The following CNBD1 variants were observed in gnomAD, a reference collection of about 807,000 sequenced individuals.
CNBD1 encodes the protein cyclic nucleotide-binding domain-containing protein 1.
CNBD1 carries 71 observed loss-of-function variants against 54.4 expected under a neutral mutation model. The observed-to-expected ratio is 1.30, with a 90% confidence interval of 1.08 to 1.59. The LOEUF is 1.59. Ranked by LOEUF, CNBD1 falls within the 40% of genes most tolerant of loss-of-function variation. The probability of loss-of-function intolerance (pLI) is 0.00; values close to 1 mark genes in which losing one functional copy is unlikely to be tolerated. For missense variants in CNBD1, 659 were observed against 518.0 expected (o/e 1.27, Z -2.64); for synonymous variants, 182 against 170.7 (o/e 1.07, Z -0.51).
At chr8:86,898,346 T>C (rs1586119934) in intron 2 of CNBD1, among the ~76,000 whole-genome samples, 1 of 133,596 alleles carries the variant, frequency 7.5e-6, no homozygotes, top group Non-Finnish European at 1.7e-5. Context: ...TGTTTTCAAT[T>C]TTACAAGAGA....
intron 8 of CNBD1, among the ~76,000 whole-genome samples, chr8:87,300,862 G>A (rs987041328): frequency 6.6e-6 from 1 of 151,946 alleles, no homozygotes; most frequent in South Asian, 2.1e-4. Flanking sequence ...AAAATCTTTT[G>A]TGAAGACTAA....
intron 8 of CNBD1, among the ~76,000 whole-genome samples, chr8:87,345,157 A>T (rs1202685472): frequency 2.6e-5 from 4 of 152,202 alleles, no homozygotes; most frequent in Non-Finnish European, 5.9e-5. Flanking sequence ...GTCAGGCTGA[A>T]CATACTTTCC....
rs188903894 is a variant in CNBD1 at position 87,356,153 on chromosome 8, C to A, written c.1303+2367C>A. Among the ~76,000 whole-genome samples, 1,126 of 152,226 alleles carry A rather than the reference C, an allele frequency of 7.4e-3. 15 individuals carry two copies. The highest frequency in any genetic ancestry group is 0.012 in the Non-Finnish European group (819 of 68,032). On this transcript the variant is annotated intron_variant, in intron 10 of 10. Transcript: ENST00000518476. ...ATAAACTTCTTTTCTTTATAAATTA[C>A]CCAGCTTCAGATATTCATTAATGAC...
chr8:87,310,198 G>A (rs1255608670), intron 8 of CNBD1, among the ~76,000 whole-genome samples: 1 of 151,854 alleles, frequency 6.6e-6, no homozygotes, highest in African/African-American at 2.4e-5. Flanking sequence ...CTACAAAAAA[G>A]TTTAAAAAAT....
At chr8:87,393,759 C>A (rs530330042) in intron 2 of CNBD1, among the ~76,000 whole-genome samples, 3 of 151,802 alleles carry the variant, frequency 2.0e-5, no homozygotes, top group Admixed American at 6.6e-5. Flanking sequence ...TGAACAGGCA[C>A]AGTCAGAGAA....
At chr8:86,875,581 A>C (rs141788981) in intron 1 of CNBD1, among the ~76,000 whole-genome samples, 1 of 152,142 alleles carries the variant, frequency 6.6e-6, no homozygotes, top group Admixed American at 6.5e-5. Flanking sequence ...CTAATTTCTA[A>C]ATCTTGTGCA....
intron 2 of CNBD1, among the ~76,000 whole-genome samples, chr8:87,401,406 C>T (rs749427020): frequency 2.6e-5 from 4 of 151,998 alleles, no homozygotes; most frequent in Non-Finnish European, 5.9e-5. Context: ...AAAAGTTAAC[C>T]ACAGATGCTA....
intron 4 of CNBD1, among the ~76,000 whole-genome samples, chr8:87,150,254 G>C (rs999269416): frequency 1.3e-5 from 2 of 152,076 alleles, no homozygotes; most frequent in Non-Finnish European, 2.9e-5. Context: ...GCAGGTATTT[G>C]ATTTAGAAAG....
intron 4 of CNBD1, among the ~76,000 whole-genome samples, chr8:87,039,911 T>C (rs1810028408): frequency 6.6e-6 from 1 of 152,112 alleles, no homozygotes; most frequent in African/African-American, 2.4e-5. Flanking sequence ...AATGCTGTCT[T>C]CTGCACTGAG....
At chr8:86,960,706 T>C (rs1239459720) in intron 4 of CNBD1, among the ~76,000 whole-genome samples, 1 of 152,166 alleles carries the variant, frequency 6.6e-6, no homozygotes, top group Non-Finnish European at 1.5e-5. Flanking sequence ...CCCTGATCCC[T>C]GAGTAGCCTA....
chr8:86,997,879 CT>C (rs1586188594), intron 4 of CNBD1, among the ~76,000 whole-genome samples: 2 of 152,078 alleles, frequency 1.3e-5, no homozygotes, highest in African/African-American at 4.8e-5. Flanking sequence ...GAATTCTCCC[CT>C]ATAAGAAGCT....
chr8:87,238,624 T>A (rs1807630140), intron 6 of CNBD1, among the ~76,000 whole-genome samples: 1 of 152,126 alleles, frequency 6.6e-6, no homozygotes, highest in Non-Finnish European at 1.5e-5. Context: ...CCAGAGAAGA[T>A]AAATATGAAT....
intron 2 of CNBD1, among the ~76,000 whole-genome samples, chr8:87,407,620 T>A (rs4131948): frequency 6.6e-6 from 1 of 151,962 alleles, no homozygotes; most frequent in African/African-American, 2.4e-5. Context: ...AACCATCTGT[T>A]TATAAAAATT....
chr8:87,042,800 G>A (rs1452885173), intron 4 of CNBD1, among the ~76,000 whole-genome samples: 2 of 151,866 alleles, frequency 1.3e-5, no homozygotes, highest in African/African-American at 4.8e-5. Context: ...GTAAAATATG[G>A]TAGATTGTAT....
At chr8:87,410,671 G>A (rs1322694708) in intron 2 of CNBD1, among the ~76,000 whole-genome samples, 1 of 152,110 alleles carries the variant, frequency 6.6e-6, no homozygotes, top group African/African-American at 2.4e-5. Flanking sequence ...AGGATTGACT[G>A]CAGTTTTAAA....
At chr8:87,364,516 A>G (rs1163540377) in intron 10 of CNBD1, among the ~76,000 whole-genome samples, 1 of 151,538 alleles carries the variant, frequency 6.6e-6, no homozygotes, top group African/African-American at 2.4e-5. Context: ...TTATGTTCAG[A>G]AGTACATGTG....
At position 87,073,078 on chromosome 8, in the gene CNBD1, C is replaced by T. The variant is rs548276687; in HGVS notation, c.432-132915C>T. On this transcript the variant is annotated intron_variant, in intron 4 of 10. Coordinates refer to ENST00000518476, the MANE Select transcript of CNBD1 (RefSeq NM_173538.3). ...CCAGAAAGATAGTCTTCAAGTTCTG[C>T]GATTCCTTCCTCTGCTTGTTGTATT... is the stretch of plus-strand genomic sequence containing the variant. Among the ~76,000 whole-genome samples the T allele has an allele frequency of 7.2e-4, 109 of 151,710 alleles. 1 individual carries two copies. Among genetic ancestry groups the T allele is most frequent in the Middle Eastern group, 3.4e-3 (1 of 292 alleles).
intron 2 of CNBD1, among the ~76,000 whole-genome samples, chr8:86,900,495 T>C (rs998879415): frequency 5.9e-5 from 9 of 152,218 alleles, no homozygotes; most frequent in Admixed American, 6.5e-5. Context: ...TCTAGCCCTG[T>C]GATTTTAATA....
chr8:87,006,932 C>T (rs1207924436), intron 4 of CNBD1, among the ~76,000 whole-genome samples: 1 of 152,226 alleles, frequency 6.6e-6, no homozygotes, highest in Non-Finnish European at 1.5e-5. Flanking sequence ...TGCCGCGGCT[C>T]ACGCCTGTAA....
Sources: gnomAD v4.1 joint callset for allele counts (sites outside exome capture counted in the v4.1 genomes callset) on GRCh38, gnomAD v4.1.1 for gene constraint, MANE v1.5 for transcripts, NCBI Gene and HGNC (gene_info 2026-07-23, HGNC 2026-07-21) for gene names.